The following DTNB variants were observed in gnomAD, a reference collection of about 807,000 sequenced individuals.
The protein encoded by DTNB is DTN-B.
DTNB carries 63 observed loss-of-function variants against 90.7 expected under a neutral mutation model. The ratio of observed to expected loss-of-function variants is 0.69; its 90% CI spans 0.57 to 0.86. DTNB has a LOEUF of 0.86. Ranked by LOEUF, DTNB falls within the 40% of genes least tolerant of loss-of-function variation. DTNB has a pLI of 0.00. For missense variants in DTNB, 744 were observed against 807.1 expected (o/e 0.92, Z 0.95); for synonymous variants, 277 against 286.7 (o/e 0.97, Z 0.34).
intron 10 of DTNB, among the ~76,000 whole-genome samples, chr2:25,478,489 A>C (rs956715352): frequency 1.8e-4 from 28 of 152,024 alleles, no homozygotes; most frequent in Non-Finnish European, 3.8e-4. Flanking sequence ...TAACAGTCTC[A>C]GTTATTTTTC....
At chr2:25,512,663 G>T (rs970110061) in intron 9 of DTNB, among the ~76,000 whole-genome samples, 1 of 152,182 alleles carries the variant, frequency 6.6e-6, no homozygotes, top group Non-Finnish European at 1.5e-5. Flanking sequence ...TACTTGGAGG[G>T]TTTAAGGAAG....
Position 25,596,106 on chromosome 2 carries a change from G to T in DTNB, c.583C>A (p.Arg195Ser). Residue 195 changes from arginine to serine, a missense_variant, in exon 6 of 21, where the codon CGC becomes AGC. Transcript: ENST00000406818. ...PSFGYTEHSV[R>S]TCFPQQRKIM... ...CTTACCTGCTGTGGAAAACAGGTGCGGACTGAGTGCTCTGTGTAACCAAAA... is the reference window on the plus strand; with the variant it reads ...CTTACCTGCTGTGGAAAACAGGTGCTGACTGAGTGCTCTGTGTAACCAAAA... 1 of 1,611,404 alleles carries T rather than the reference G, an allele frequency of 6.2e-7. No individual in the cohort carries two copies. Among genetic ancestry groups the T allele is most frequent in the Middle Eastern group, 1.7e-4 (1 of 6,050 alleles).
chr2:25,633,635 A>C (rs2076293839), intron 3 of DTNB, among the ~76,000 whole-genome samples: 1 of 141,864 alleles, frequency 7.0e-6, no homozygotes, highest in African/African-American at 2.7e-5. Context: ...ATCGTCTGGG[A>C]TGTGAGGAGC....
intron 6 of DTNB, among the ~76,000 whole-genome samples, chr2:25,590,300 T>A (rs1451834845): frequency 2.0e-5 from 3 of 152,222 alleles, no homozygotes; most frequent in Non-Finnish European, 4.4e-5. Flanking sequence ...ACTTGCCATT[T>A]TTTGGGTCCC....
intron 18 of DTNB, among the ~76,000 whole-genome samples, chr2:25,384,660 C>T (rs144700356): frequency 6.6e-6 from 1 of 152,036 alleles, no homozygotes; most frequent in East Asian, 1.9e-4. Context: ...CCGTGAAAGG[C>T]GAGCCTGCAG....
chr2:25,405,025 C>T (rs1047516270), intron 16 of DTNB, among the ~76,000 whole-genome samples: 6 of 152,112 alleles, frequency 3.9e-5, no homozygotes, highest in Non-Finnish European at 8.8e-5. Flanking sequence ...CTCACCACAG[C>T]CTTGACCTCC....
rs142439400 is a variant in DTNB, at chr2:25,413,657, G to C, written c.1575+5858C>G. Among the ~76,000 whole-genome samples the C allele has an allele frequency of 1.1e-4, 17 of 152,146 alleles. No homozygotes were observed. The East Asian group carries it at 3.3e-3, about 29-fold the overall frequency. On this transcript the variant is annotated intron_variant, in intron 16 of 20. Coordinates refer to ENST00000406818, the MANE Select transcript of DTNB (RefSeq NM_021907.5). ...ATATGTGCCACATTTTCTTAATCCA[G>C]TCTATCATTGTTGGTTCCAAGTCTT...
chr2:25,432,134 T>G (rs990382055), intron 14 of DTNB, among the ~76,000 whole-genome samples: 1 of 151,886 alleles, frequency 6.6e-6, no homozygotes, highest in South Asian at 2.1e-4. Flanking sequence ...ATCCACTATT[T>G]GAAAATCTAG....
At chr2:25,616,302 A>G (rs962857538) in intron 4 of DTNB, among the ~76,000 whole-genome samples, 1 of 151,686 alleles carries the variant, frequency 6.6e-6, no homozygotes, top group Non-Finnish European at 1.5e-5. Flanking sequence ...GGGTACTATG[A>G]TATCTTTACT....
At chr2:25,386,938 G>A (rs1447711412) in intron 18 of DTNB, among the ~76,000 whole-genome samples, 1 of 152,190 alleles carries the variant, frequency 6.6e-6, no homozygotes, top group Admixed American at 6.5e-5. Flanking sequence ...AGAATGAGGT[G>A]GTCGGTCAGG....
intron 19 of DTNB, among the ~76,000 whole-genome samples, chr2:25,381,903 C>T (rs2037889013): frequency 2.0e-5 from 3 of 152,270 alleles, no homozygotes; most frequent in Non-Finnish European, 4.4e-5. Flanking sequence ...ACTCCAGCCC[C>T]TATGGGCCAA....
chr2:25,429,738 AC>A (rs1315020013), intron 14 of DTNB, among the ~76,000 whole-genome samples: 1 of 152,170 alleles, frequency 6.6e-6, no homozygotes, highest in African/African-American at 2.4e-5. Context: ...TACTGAACTT[AC>A]CAAAATCATG....
chr2:25,574,989 A>G (rs988148334), intron 8 of DTNB, among the ~76,000 whole-genome samples: 14 of 152,210 alleles, frequency 9.2e-5, no homozygotes, highest in African/African-American at 2.9e-4. Context: ...AGAGTAGATG[A>G]AAACATGCAA....
chr2:25,623,245 GAACT>G (rs2073236232), intron 4 of DTNB, among the ~76,000 whole-genome samples: 1 of 152,240 alleles, frequency 6.6e-6, no homozygotes, highest in Non-Finnish European at 1.5e-5. Flanking sequence ...AAATTGTTGA[GAACT>G]AACAACTGAA....
intron 19 of DTNB, among the ~76,000 whole-genome samples, chr2:25,380,247 C>T (rs1450134629): frequency 6.6e-6 from 1 of 152,202 alleles, no homozygotes; most frequent in Non-Finnish European, 1.5e-5. Context: ...AATATACTCT[C>T]TCTCTTTACG....
chr2:25,403,405 T>G (rs1461356498), intron 16 of DTNB, among the ~76,000 whole-genome samples: 1 of 152,202 alleles, frequency 6.6e-6, no homozygotes, highest in African/African-American at 2.4e-5. Context: ...CATGAGCCAC[T>G]GTGCCTGGCC....
intron 9 of DTNB, among the ~76,000 whole-genome samples, chr2:25,513,351 T>A (rs1343922726): frequency 3.3e-5 from 5 of 152,194 alleles, no homozygotes; most frequent in African/African-American, 1.2e-4. Context: ...TTTTAAGGAT[T>A]TTTAAAACAA....
At chr2:25,447,754 C>A (rs1340120478) in intron 12 of DTNB, among the ~76,000 whole-genome samples, 1 of 152,028 alleles carries the variant, frequency 6.6e-6, no homozygotes, top group Non-Finnish European at 1.5e-5. Context: ...GGTGATCCAC[C>A]CACCTCGGCC....
intron 16 of DTNB, among the ~76,000 whole-genome samples, chr2:25,396,065 A>G (rs76432738): frequency 0.013 from 2,004 of 152,338 alleles, 21 homozygotes; most frequent in Middle Eastern, 0.034. Context: ...TGGTAAATGC[A>G]TACCATGGAA....
Sources: gnomAD v4.1 joint callset for allele counts (sites outside exome capture counted in the v4.1 genomes callset) on GRCh38, gnomAD v4.1.1 for gene constraint, MANE v1.5 for transcripts, NCBI Gene and HGNC (gene_info 2026-07-23, HGNC 2026-07-21) for gene names.